PSMD5: variants seen among roughly 807,000 people sequenced by gnomAD.
The protein encoded by PSMD5 is proteasome 26S subunit, non-ATPase 5.
A neutral mutation model predicts 52.1 loss-of-function variants in PSMD5; 40 were observed. That is an observed-to-expected ratio of 0.77 (90% CI 0.60 to 1.00). PSMD5 has a LOEUF of 1.00. Among genes scored for constraint, PSMD5 ranks in the 50% least tolerant of loss-of-function variants. PSMD5 has a pLI of 0.00. For missense variants in PSMD5, 575 were observed against 605.2 expected (o/e 0.95, Z 0.52); for synonymous variants, 211 against 226.6 (o/e 0.93, Z 0.62).
chr9:120,824,218 T>A, intron 7 of PSMD5: 1 of 422,234 alleles, frequency 2.4e-6, no homozygotes, highest in Non-Finnish European at 4.3e-6. Flanking sequence ...AAAGAAGACA[T>A]CATAGAGGGG....
At chr9:120,839,916 T>C (rs2045222557) in intron 1 of PSMD5, among the ~76,000 whole-genome samples, 2 of 148,010 alleles carry the variant, frequency 1.4e-5, no homozygotes, top group South Asian at 2.1e-4. Context: ...AGGTCAGGAG[T>C]TCGACACCAG....
chr9:120,826,690 C>T, intron 6 of PSMD5, 75 bp downstream of exon 6: 1 of 1,510,204 alleles, frequency 6.6e-7, no homozygotes, highest in Non-Finnish European at 9.0e-7. Context: ...ACTCCCTACC[C>T]CAACCCCCTG....
chr9:120,826,538 C>T (rs1174384546), intron 6 of PSMD5: 6 of 478,642 alleles, frequency 1.3e-5, no homozygotes, highest in Non-Finnish European at 2.2e-5. Flanking sequence ...ACCCTCCCTG[C>T]ATCCATAGGA....
At chr9:120,824,398 T>A (rs2045107493) in intron 7 of PSMD5, 96 bp downstream of exon 7, 8 of 1,211,140 alleles carry the variant, frequency 6.6e-6, no homozygotes, top group Non-Finnish European at 8.6e-6. Flanking sequence ...CATAAAATAG[T>A]TTCTACAATG....
At chr9:120,836,769 T>C (rs2045200869) in intron 1 of PSMD5, among the ~76,000 whole-genome samples, 2 of 152,236 alleles carry the variant, frequency 1.3e-5, no homozygotes, top group Admixed American at 6.5e-5. Flanking sequence ...TATTTAGTTT[T>C]GAAAGCTCCT....
rs761635339 is a variant in PSMD5 at position 120,820,850 on chromosome 9, T to G, written c.1246A>C (p.Lys416Gln). Residue 416 changes from lysine to glutamine, a missense_variant, in exon 9 of 10, where the codon AAA becomes CAA. By Grantham distance (53) the Lys-to-Gln change is moderately conservative. Coordinates refer to ENST00000210313, the MANE Select transcript of PSMD5 (RefSeq NM_005047.4). ...AAGTGAATACCTACCGTAAACACTTTTAAGGCAGCACAGTGTAGTTCAGGG... is the reference window on the plus strand; with the variant it reads ...AAGTGAATACCTACCGTAAACACTTGTAAGGCAGCACAGTGTAGTTCAGGG... Reference protein sequence around the residue: ...PFPELHCAALKVFTAIANQPW... With the variant: ...PFPELHCAALQVFTAIANQPW... 12 of 1,583,642 alleles carry G rather than the reference T, an allele frequency of 7.6e-6. No individual in the cohort carries two copies. The highest frequency in any genetic ancestry group is 1.7e-4 in the Middle Eastern group (1 of 5,932).
At chr9:120,828,298 G>T (rs1021350022) in intron 5 of PSMD5, among the ~76,000 whole-genome samples, 2 of 150,316 alleles carry the variant, frequency 1.3e-5, no homozygotes, top group Non-Finnish European at 3.0e-5. Flanking sequence ...ACTGCACCTG[G>T]CACAATATCT....
chr9:120,822,995 A>AT (rs1056235603), intron 7 of PSMD5, among the ~76,000 whole-genome samples: 1 of 150,744 alleles, frequency 6.6e-6, no homozygotes, highest in Non-Finnish European at 1.5e-5. Flanking sequence ...CAGCTGGCTA[A>AT]TTTTTTTTGT....
intron 9 of PSMD5, among the ~76,000 whole-genome samples, chr9:120,818,756 GAAAA>G (rs962992130): frequency 3.3e-4 from 39 of 117,922 alleles, no homozygotes; most frequent in African/African-American, 1.1e-3. Flanking sequence ...ACATTGAAGA[GAAAA>G]AAAAAAAAAG....
At chr9:120,840,764 C>T (rs2045229442) in intron 1 of PSMD5, among the ~76,000 whole-genome samples, 1 of 152,024 alleles carries the variant, frequency 6.6e-6, no homozygotes, top group African/African-American at 2.4e-5. Flanking sequence ...GGACTACAGG[C>T]ACGTGCCACC....
intron 1 of PSMD5, among the ~76,000 whole-genome samples, chr9:120,841,346 G>A (rs971626412): frequency 5.0e-4 from 76 of 152,074 alleles, no homozygotes; most frequent in Non-Finnish European, 1.3e-4. Flanking sequence ...TTGGGAGGCC[G>A]AGGCGGGCGG....
chr9:120,834,539 A>G (rs1275012104), intron 1 of PSMD5, among the ~76,000 whole-genome samples: 1 of 152,202 alleles, frequency 6.6e-6, no homozygotes, highest in East Asian at 1.9e-4. Flanking sequence ...AATAAGACAT[A>G]GTATTATACT....
rs2045079214 is a variant in PSMD5 at position 120,820,896 on chromosome 9, A to T, written c.1200T>A (p.Arg400=). The change falls in exon 9 of 10, where the codon CGT becomes CGA. Residue 400 remains arginine (R), a synonymous_variant. Transcript: ENST00000210313. ...CAGGGAAGGGCTGACTACTAATGCC[A>T]CGGAAGAGCTCCAGTGGATCCCGAG... ...SLSRDPLELF[R]GISSQPFPEL... is the part of the protein sequence containing the mutation. The T allele has an allele frequency of 6.2e-7, 1 of 1,609,128 alleles. No individual in the cohort carries two copies. Among genetic ancestry groups the T allele is most frequent in the Non-Finnish European group, 8.5e-7 (1 of 1,178,752 alleles).
intron 1 of PSMD5, among the ~76,000 whole-genome samples, chr9:120,838,433 T>G (rs1411385936): frequency 6.6e-6 from 1 of 152,194 alleles, no homozygotes; most frequent in Non-Finnish European, 1.5e-5. Flanking sequence ...ATCTTAGGAC[T>G]TAAACTCTCT....
intron 1 of PSMD5, chr9:120,842,509 G>C: frequency 3.4e-6 from 2 of 586,100 alleles, no homozygotes; most frequent in Non-Finnish European, 6.0e-6. Context: ...TCACTGCTCA[G>C]AGGCAGCGAG....
intron 1 of PSMD5, 142 bp downstream of exon 1, chr9:120,842,595 A>C: frequency 1.0e-5 from 10 of 998,334 alleles, no homozygotes; most frequent in Non-Finnish European, 1.2e-5. Flanking sequence ...CTCTGAACCC[A>C]GGATCCTTCC....
At position 120,833,971 on chromosome 9, in the gene PSMD5, T is replaced by C. The variant is rs990013240; in HGVS notation, c.174-515A>G. Among the ~76,000 whole-genome samples, 18 of 143,048 alleles carry C rather than the reference T, an allele frequency of 1.3e-4. 1 individual carries two copies. Among genetic ancestry groups the C allele is most frequent in the African/African-American group, 4.7e-4 (18 of 38,448 alleles). 93.8% of individuals were successfully genotyped at this position (143,048 alleles called of 152,430 possible). ...GATTACAGGCTTGGGCCACCGCACC[T>C]GGCCTTTTTTTTTTTTTTTTTTTTT... On this transcript the variant is annotated intron_variant, in intron 1 of 9. Coordinates refer to ENST00000210313, the MANE Select transcript of PSMD5 (RefSeq NM_005047.4).
intron 1 of PSMD5, chr9:120,842,231 T>TGGGGC (rs1397041309): frequency 6.3e-6 from 1 of 157,986 alleles, no homozygotes; most frequent in African/African-American, 2.4e-5. Flanking sequence ...CCGCTGCTTT[T>TGGGGC]GGGGCGATTC....
chr9:120,824,328 C>T (rs539127458), intron 7 of PSMD5, 166 bp downstream of exon 7: 7 of 688,954 alleles, frequency 1.0e-5, no homozygotes, highest in Middle Eastern at 2.5e-4. Flanking sequence ...AAAGGTTTTC[C>T]GTAATAATTA....
Sources: gnomAD v4.1 joint callset for allele counts (sites outside exome capture counted in the v4.1 genomes callset) on GRCh38, gnomAD v4.1.1 for gene constraint, MANE v1.5 for transcripts, NCBI Gene and HGNC (gene_info 2026-07-23, HGNC 2026-07-21) for gene names.